FOXN3: variants seen among roughly 807,000 people sequenced by gnomAD.
FOXN3 encodes forkhead box N3, also known as forkhead box protein N3.
Under a neutral mutation model 38.4 loss-of-function variants are expected in FOXN3, and 7 were observed. The ratio of observed to expected loss-of-function variants is 0.18; its 90% CI spans 0.10 to 0.34. The LOEUF (loss-of-function observed/expected upper bound fraction) is 0.34, where lower values mean the gene tolerates loss of function less well. FOXN3 is among the 10% of genes least tolerant of loss of function. The pLI, the probability that FOXN3 is intolerant of heterozygous loss-of-function variation, is 1.00. For missense variants in FOXN3, 456 were observed against 613.4 expected (o/e 0.74, Z 2.71); for synonymous variants, 230 against 242.2 (o/e 0.95, Z 0.47).
intron 1 of FOXN3, among the ~76,000 whole-genome samples, chr14:89,449,706 G>A (rs1274972223): frequency 6.6e-6 from 1 of 152,136 alleles, no homozygotes; most frequent in Non-Finnish European, 1.5e-5. Flanking sequence ...CAGTGGGTGA[G>A]TAGCTTGCCA....
chr14:89,410,906 A>G lies in FOXN3; in HGVS notation c.543+1028T>C, dbSNP rs1405927418. Among the ~76,000 whole-genome samples, 3 of 152,206 alleles carry G rather than the reference A, an allele frequency of 2.0e-5. No individual in the cohort carries two copies. In the East Asian group the frequency reaches 5.8e-4, roughly 29 times the overall value. ...AAGAGGAAAAAAAAGAAAAAAGAAA[A>G]AAGAAAGAAAAAGAAAGCAAATTAT... On this transcript the variant is annotated intron_variant, in intron 2 of 5. Coordinates refer to ENST00000557258, the MANE Select transcript of FOXN3 (RefSeq NM_005197.4).
intron 1 of FOXN3, among the ~76,000 whole-genome samples, chr14:89,549,614 C>T (rs945038680): frequency 6.7e-6 from 1 of 149,884 alleles, no homozygotes; most frequent in Non-Finnish European, 1.5e-5. Context: ...AAGGTGGGGG[C>T]GGGGTGAGGG....
chr14:89,490,238 C>T (rs1042403518), intron 1 of FOXN3, among the ~76,000 whole-genome samples: 3 of 152,214 alleles, frequency 2.0e-5, no homozygotes, highest in Admixed American at 6.5e-5. Flanking sequence ...GAATTGTTAG[C>T]TTTGCTCCTG....
chr14:89,386,219 T>A (rs891630113), intron 2 of FOXN3, among the ~76,000 whole-genome samples: 1 of 152,220 alleles, frequency 6.6e-6, no homozygotes, highest in African/African-American at 2.4e-5. Context: ...CAACCAAAAA[T>A]TATTTTTTAA....
At chr14:89,462,647 G>A (rs889021265) in intron 1 of FOXN3, among the ~76,000 whole-genome samples, 1 of 151,802 alleles carries the variant, frequency 6.6e-6, no homozygotes, top group African/African-American at 2.4e-5. Context: ...AGGGGGCTGG[G>A]TATGCTAACA....
intron 3 of FOXN3, among the ~76,000 whole-genome samples, chr14:89,312,568 A>G (rs1378151341): frequency 2.6e-5 from 4 of 152,008 alleles, no homozygotes; most frequent in Non-Finnish European, 4.4e-5. Flanking sequence ...AAATATGTCT[A>G]TCTCCTTGGT....
At chr14:89,343,940 T>G (rs1189316934) in intron 3 of FOXN3, among the ~76,000 whole-genome samples, 1 of 152,092 alleles carries the variant, frequency 6.6e-6, no homozygotes, top group African/African-American at 2.4e-5. Flanking sequence ...TTTGTATTTT[T>G]TGGTAGAGAT....
chr14:89,375,447 A>G (rs1890451563), intron 2 of FOXN3, among the ~76,000 whole-genome samples: 1 of 152,232 alleles, frequency 6.6e-6, no homozygotes, highest in African/African-American at 2.4e-5. Flanking sequence ...CTGATTATGT[A>G]TCCTAGTAGA....
Position 89,403,898 on chromosome 14 carries a change from G to A in FOXN3, c.543+8036C>T, listed in dbSNP as rs894056448. Among the ~76,000 whole-genome samples the A allele has an allele frequency of 9.2e-5, 14 of 152,166 alleles. 1 individual carries two copies. The highest frequency in any genetic ancestry group is 4.6e-4 in the Admixed American group (7 of 15,274). On this transcript the variant is annotated intron_variant, in intron 2 of 5. Coordinates refer to ENST00000557258, the MANE Select transcript of FOXN3 (RefSeq NM_005197.4). ...ATCCATGAAGGGCCAGAAAAGCAACGATGTGAGACAGAAAACAGAGAATAC... is the reference window on the plus strand; with the variant it reads ...ATCCATGAAGGGCCAGAAAAGCAACAATGTGAGACAGAAAACAGAGAATAC...
chr14:89,602,564 T>C (rs1188328142), intron 1 of FOXN3, among the ~76,000 whole-genome samples: 1 of 151,962 alleles, frequency 6.6e-6, no homozygotes, highest in Non-Finnish European at 1.5e-5. Flanking sequence ...TGGCGCGATC[T>C]CGGCTCACTG....
intron 1 of FOXN3, among the ~76,000 whole-genome samples, chr14:89,568,248 C>T (rs556605309): frequency 6.6e-6 from 1 of 152,322 alleles, no homozygotes; most frequent in East Asian, 1.9e-4. Flanking sequence ...AGGGACTTCG[C>T]TCACCTGGTC....
At chr14:89,249,825 G>A (rs899979990) in intron 4 of FOXN3, among the ~76,000 whole-genome samples, 3 of 152,156 alleles carry the variant, frequency 2.0e-5, no homozygotes, top group African/African-American at 7.2e-5. Context: ...AAATCCATCT[G>A]TTTCGCATGG....
chr14:89,544,050 T>C (rs1175460756), intron 1 of FOXN3, among the ~76,000 whole-genome samples: 1 of 152,148 alleles, frequency 6.6e-6, no homozygotes, highest in Non-Finnish European at 1.5e-5. Context: ...TTAATGGGTA[T>C]ACAGTCTGGT....
At position 89,527,954 on chromosome 14, in the gene FOXN3, G is replaced by A. The variant is rs1021577400; in HGVS notation, c.-15+91074C>T. On this transcript the variant is annotated intron_variant, in intron 1 of 6. Coordinates refer to the FOXN3 transcript ENST00000345097. ...TGACCTCAGGGGATCCACCTGTCTA[G>A]GCCTCCCAAAGTGCTGGGATTACCA... is the stretch of plus-strand genomic sequence containing the variant. Among the ~76,000 whole-genome samples the A allele has an allele frequency of 1.6e-3, 248 of 152,158 alleles. 10 individuals are homozygous for A. The highest frequency in any genetic ancestry group is 0.016 in the Admixed American group (246 of 15,290).
At chr14:89,533,619 A>C (rs964090486) in intron 1 of FOXN3, among the ~76,000 whole-genome samples, 1 of 134,450 alleles carries the variant, frequency 7.4e-6, no homozygotes, top group Non-Finnish European at 1.5e-5. Context: ...CGGAGATCGC[A>C]CCACTGCACT....
chr14:89,323,528 G>A (rs1448273371), intron 3 of FOXN3, among the ~76,000 whole-genome samples: 1 of 151,976 alleles, frequency 6.6e-6, no homozygotes, highest in Non-Finnish European at 1.5e-5. Context: ...AGACCAGCCT[G>A]ACCAACATGG....
At chr14:89,540,110 C>T (rs1317632968) in intron 1 of FOXN3, among the ~76,000 whole-genome samples, 2 of 152,146 alleles carry the variant, frequency 1.3e-5, no homozygotes, top group Non-Finnish European at 2.9e-5. Flanking sequence ...TTTTCTCACG[C>T]CACTCCTTCA....
At chr14:89,199,299 T>A (rs1888176924) in intron 4 of FOXN3, among the ~76,000 whole-genome samples, 1 of 152,174 alleles carries the variant, frequency 6.6e-6, no homozygotes, top group African/African-American at 2.4e-5. Context: ...GTGAGCCCGG[T>A]GCACAAGCTT....
chr14:89,392,953 C>T (rs757494179), intron 2 of FOXN3, among the ~76,000 whole-genome samples: 21 of 151,922 alleles, frequency 1.4e-4, no homozygotes, highest in Non-Finnish European at 2.2e-4. Context: ...ACTACAGGCA[C>T]GTACCACCAC....
Sources: gnomAD v4.1 joint callset for allele counts (sites outside exome capture counted in the v4.1 genomes callset) on GRCh38, gnomAD v4.1.1 for gene constraint, MANE v1.5 for transcripts, NCBI Gene and HGNC (gene_info 2026-07-23, HGNC 2026-07-21) for gene names.